The following NBEA variants were observed in gnomAD, a reference collection of about 807,000 sequenced individuals.
NBEA encodes the protein neurobeachin.
A neutral mutation model predicts 343.4 loss-of-function variants in NBEA; 44 were observed. The ratio of observed to expected loss-of-function variants is 0.13; its 90% CI spans 0.10 to 0.16. NBEA has a LOEUF of 0.16. Ranked by LOEUF, NBEA falls within the 10% of genes least tolerant of loss-of-function variation. The pLI is 1.00. For missense variants in NBEA, 2,555 were observed against 3,631.3 expected, an observed-to-expected ratio of 0.70 and a Z score of 7.62; for synonymous variants, 1,175 against 1,238.7, an observed-to-expected ratio of 0.95 and a Z score of 1.08.
chr13:35,522,475 C>CAAAAAAAAAAAAAAAAAAAAAA (rs138270833), intron 41 of NBEA, among the ~76,000 whole-genome samples: 4 of 42,036 alleles, frequency 9.5e-5, no homozygotes, highest in Non-Finnish European at 2.2e-4. Flanking sequence ...ATACCATCTC[C>CAAAAAAAAAAAAAAAAAAAAAA]AAAAAAAAAA....
intron 41 of NBEA, among the ~76,000 whole-genome samples, chr13:35,546,057 C>CAGAT (rs56000361): frequency 6.6e-6 from 1 of 151,334 alleles, no homozygotes; most frequent in African/African-American, 2.4e-5. Flanking sequence ...ATTAAACAAA[C>CAGAT]ATATATGGAG....
chr13:35,462,560 C>A (rs770838834), intron 40 of NBEA, among the ~76,000 whole-genome samples: 7 of 152,024 alleles, frequency 4.6e-5, no homozygotes, highest in Admixed American at 1.3e-4. Flanking sequence ...CCTTAAGGAA[C>A]CTTGTTTTTA....
chr13:34,990,835 C>G (rs761837380), intron 1 of NBEA, among the ~76,000 whole-genome samples: 1 of 152,214 alleles, frequency 6.6e-6, no homozygotes, highest in Non-Finnish European at 1.5e-5. Flanking sequence ...TTTGCTTATG[C>G]ATGTGACCAT....
intron 38 of NBEA, among the ~76,000 whole-genome samples, chr13:35,410,890 T>C (rs991814537): frequency 2.6e-5 from 4 of 152,162 alleles, no homozygotes; most frequent in Admixed American, 2.6e-4. Flanking sequence ...CAGAGGACTC[T>C]CTGATGAAGC....
At chr13:35,111,003 T>A (rs1225208941) in intron 13 of NBEA, 25 bp downstream of exon 13, 5 of 1,562,408 alleles carry the variant, frequency 3.2e-6, no homozygotes, top group Middle Eastern at 1.7e-4. Context: ...TCCACTGTAT[T>A]TACATTTGCC....
At chr13:35,596,272 T>C (rs1263588783) in intron 47 of NBEA, among the ~76,000 whole-genome samples, 1 of 152,108 alleles carries the variant, frequency 6.6e-6, no homozygotes, top group East Asian at 1.9e-4. Flanking sequence ...TAAACCTGAT[T>C]TATCAGAGAA....
At chr13:35,205,698 A>T (rs995021932) in intron 31 of NBEA, among the ~76,000 whole-genome samples, 6 of 152,114 alleles carry the variant, frequency 3.9e-5, no homozygotes, top group Admixed American at 2.0e-4. Flanking sequence ...GCTGATATAG[A>T]CCCAGACTAT....
At chr13:35,271,062 C>A (rs901123493) in intron 34 of NBEA, among the ~76,000 whole-genome samples, 4 of 152,202 alleles carry the variant, frequency 2.6e-5, no homozygotes, top group Non-Finnish European at 5.9e-5. Flanking sequence ...GGTCCCTGAC[C>A]CCCATGTAGC....
Position 35,156,035 on chromosome 13 carries a change from A to T in NBEA, c.2528-48A>T. On this transcript the variant is annotated intron_variant, in intron 19 of 58. Transcript: ENST00000379939. ...AAGTTGGTAATACTTTTTGAGTTGA[A>T]CATAGGATATGGTTACAAATCTACA... 1.3e-6 allele frequency: 2 copies of T among 1,544,234 alleles called. 1 individual carries two copies. The highest frequency in any genetic ancestry group is 2.5e-5 in the South Asian group (2 of 81,518).
chr13:34,964,647 A>G lies in NBEA; in HGVS notation c.294+21533A>G, dbSNP rs57795595. Among the ~76,000 whole-genome samples the G allele has an allele frequency of 2.2e-3, 341 of 152,124 alleles. 2 individuals are homozygous for G. Among genetic ancestry groups the G allele is most frequent in the African/African-American group, 7.8e-3 (326 of 41,550 alleles). On this transcript the variant is annotated intron_variant, in intron 1 of 58. Coordinates refer to ENST00000379939, the MANE Select transcript of NBEA (RefSeq NM_001385012.1). ...AAAAGACCAAAAAGGAGTTGTTTAC[A>G]GGTGGACTTGGACTGTTCTGAAGAG...
chr13:35,539,947 A>G (rs970569959), intron 41 of NBEA, among the ~76,000 whole-genome samples: 1 of 147,726 alleles, frequency 6.8e-6, no homozygotes, highest in Middle Eastern at 3.5e-3. Context: ...AAAAAAGTGC[A>G]CTAGTATTTG....
At chr13:35,530,775 TGA>T (rs2078225263) in intron 41 of NBEA, among the ~76,000 whole-genome samples, 1 of 152,212 alleles carries the variant, frequency 6.6e-6, no homozygotes, top group African/African-American at 2.4e-5. Flanking sequence ...TTGGGACTTG[TGA>T]TAAGCCAATT....
chr13:35,341,342 A>G (rs540391364), intron 36 of NBEA, among the ~76,000 whole-genome samples: 1 of 152,190 alleles, frequency 6.6e-6, no homozygotes, highest in Admixed American at 6.6e-5. Flanking sequence ...GAATTACCCA[A>G]TGGTTTTCAT....
chr13:35,070,811 T>C lies in NBEA; in HGVS notation c.1530T>C (p.Asp510=), dbSNP rs1416883939. ...QVLFPLFAQL[D]NRQLNDSQVE... is the part of the protein sequence containing the mutation. ...TTTTTCCACTTTTTGCCCAATTGGA[T>C]AATAGGCAGCTCAATGACAGTCAAG... The change falls in exon 10 of 59, where the codon GAT becomes GAC. Residue 510 remains aspartate (D), a synonymous_variant. Transcript: ENST00000379939. 2 of 1,610,460 alleles carry C rather than the reference T, an allele frequency of 1.2e-6. No individual in the cohort carries two copies. Among genetic ancestry groups the C allele is most frequent in the South Asian group, 2.2e-5 (2 of 90,930 alleles).
chr13:35,656,798 G>A (rs2084832099), intron 55 of NBEA, among the ~76,000 whole-genome samples: 3 of 152,190 alleles, frequency 2.0e-5, no homozygotes, highest in Admixed American at 6.5e-5. Flanking sequence ...AGCTTACACA[G>A]CACTCCAAAA....
chr13:35,656,386 A>G (rs1391042693), intron 55 of NBEA, among the ~76,000 whole-genome samples: 2 of 152,240 alleles, frequency 1.3e-5, no homozygotes, highest in African/African-American at 2.4e-5. Flanking sequence ...TACAGTGTTT[A>G]TACTCAAACT....
At chr13:35,369,824 T>G (rs1269866691) in intron 38 of NBEA, among the ~76,000 whole-genome samples, 3 of 152,016 alleles carry the variant, frequency 2.0e-5, no homozygotes, top group Non-Finnish European at 4.4e-5. Context: ...CTTTTCGAAT[T>G]TGGATGCCCA....
At chr13:34,974,975 A>ATACT (rs1415685701) in intron 1 of NBEA, among the ~76,000 whole-genome samples, 1 of 152,200 alleles carries the variant, frequency 6.6e-6, no homozygotes, top group African/African-American at 2.4e-5. Context: ...ACCCGGTAGT[A>ATACT]GCTCATGCAT....
intron 53 of NBEA, among the ~76,000 whole-genome samples, chr13:35,652,688 C>CTTTTTTTT (rs766315741): frequency 1.3e-4 from 9 of 67,574 alleles, no homozygotes; most frequent in Admixed American, 2.8e-4. Context: ...TTCTGGCAGT[C>CTTTTTTTT]TTTTTTTTTT....
Sources: allele counts gnomAD v4.1 joint callset (sites outside exome capture counted in the v4.1 genomes callset), GRCh38; gene constraint gnomAD v4.1.1; transcripts MANE v1.5; gene names NCBI Gene and HGNC (gene_info 2026-07-23, HGNC 2026-07-21).